The following KLF12 variants were observed in gnomAD, a reference collection of about 807,000 sequenced individuals.
KLF12 encodes Krueppel-like factor 12.
Under a neutral mutation model 37.8 loss-of-function variants are expected in KLF12, and 9 were observed. That is an observed-to-expected ratio of 0.24 (90% CI 0.14 to 0.42). The LOEUF is 0.42. Among genes scored for constraint, KLF12 ranks in the 10% least tolerant of loss-of-function variants. The pLI is 1.00. For missense variants in KLF12, 411 were observed against 516.0 expected (o/e 0.80, Z 1.97); for synonymous variants, 208 against 202.1 (o/e 1.03, Z -0.25).
intron 1 of KLF12, among the ~76,000 whole-genome samples, chr13:74,048,448 C>A (rs138042714): frequency 0.01 from 1,533 of 151,780 alleles, 14 homozygotes; most frequent in Non-Finnish European, 0.019. Context: ...AAAATGAGAA[C>A]TTTTAGGCAT....
rs7987535 is a variant in KLF12 at position 73,794,696 on chromosome 13, C to A, written c.806+18456G>T. Among the ~76,000 whole-genome samples, 5 of 151,954 alleles carry A rather than the reference C, an allele frequency of 3.3e-5. No individual in the cohort carries two copies. The East Asian group carries it at 5.8e-4, about 18-fold the overall frequency. On this transcript the variant is annotated intron_variant, in intron 5 of 7. Transcript: ENST00000377669. ...GATGAAGTAATTTCAAAAACTTAAC[C>A]CTTCCCAGCTGTCAGTGTGTCATTC...
intron 6 of KLF12, among the ~76,000 whole-genome samples, chr13:73,737,647 C>A (rs1413315223): frequency 6.6e-6 from 1 of 152,060 alleles, no homozygotes; most frequent in African/African-American, 2.4e-5. Flanking sequence ...GATTACTGGG[C>A]AATTAAAATA....
intron 3 of KLF12, among the ~76,000 whole-genome samples, chr13:73,902,593 AT>A (rs1888090801): frequency 6.6e-6 from 1 of 152,216 alleles, no homozygotes; most frequent in Non-Finnish European, 1.5e-5. Flanking sequence ...GTGTTACTTT[AT>A]TTAGGAGAAT....
At chr13:74,259,341 T>G in the KLF12 span, 1 of 152,214 alleles carries the variant, frequency 6.6e-6, no homozygotes, top group Non-Finnish European at 1.5e-5. Flanking sequence ...GTTTCTCAGA[T>G]AGTAAAGGTT....
chr13:74,077,460 T>C (rs1326839631), intron 1 of KLF12, among the ~76,000 whole-genome samples: 2 of 152,190 alleles, frequency 1.3e-5, no homozygotes, highest in African/African-American at 2.4e-5. Flanking sequence ...TAAAAACTTA[T>C]AATTAACAGT....
chr13:73,782,959 C>T (rs1881065127), intron 5 of KLF12, among the ~76,000 whole-genome samples: 2 of 152,148 alleles, frequency 1.3e-5, no homozygotes, highest in Non-Finnish European at 2.9e-5. Context: ...GTACGCAGAG[C>T]AGTGTTAAAG....
chr13:74,082,163 T>TAAAAA (rs57156299), intron 1 of KLF12, among the ~76,000 whole-genome samples: 28 of 114,742 alleles, frequency 2.4e-4, no homozygotes, highest in African/African-American at 4.2e-4. Flanking sequence ...CCCTGTCTCT[T>TAAAAA]AAAAAAAAAA....
At chr13:74,287,291 G>A in the KLF12 span, among the ~76,000 whole-genome samples, 8 of 148,010 alleles carry the variant, frequency 5.4e-5, no homozygotes, top group Non-Finnish European at 1.0e-4. Context: ...GTGCTCTCTC[G>A]GGGAAATGAT....
At chr13:74,195,350 G>A in the KLF12 span, among the ~76,000 whole-genome samples, 1 of 152,158 alleles carries the variant, frequency 6.6e-6, no homozygotes, top group Non-Finnish European at 1.5e-5. Context: ...CATTCTTGCT[G>A]GGCGTGCGAA....
chr13:74,152,626 T>G, the KLF12 span, among the ~76,000 whole-genome samples: 1 of 152,112 alleles, frequency 6.6e-6, no homozygotes, highest in Non-Finnish European at 1.5e-5. Flanking sequence ...CTTACACCTG[T>G]AATTGCAGCA....
intron 3 of KLF12, among the ~76,000 whole-genome samples, chr13:73,933,361 G>A (rs1160292213): frequency 1.3e-5 from 2 of 152,124 alleles, no homozygotes; most frequent in African/African-American, 4.8e-5. Context: ...GTTCCAGGAA[G>A]AAAGTTTTCT....
At chr13:74,221,165 C>T in the KLF12 span, among the ~76,000 whole-genome samples, 1 of 151,972 alleles carries the variant, frequency 6.6e-6, no homozygotes, top group Non-Finnish European at 1.5e-5. Context: ...CGCCACCACG[C>T]CCGGCTAATT....
At chr13:73,897,221 T>C (rs1440239406) in intron 3 of KLF12, among the ~76,000 whole-genome samples, 2 of 152,200 alleles carry the variant, frequency 1.3e-5, no homozygotes, top group African/African-American at 2.4e-5. Context: ...CTGCCTCAAA[T>C]GAAAACAGTT....
At chr13:73,817,132 C>A (rs983487124) in intron 4 of KLF12, among the ~76,000 whole-genome samples, 1 of 151,938 alleles carries the variant, frequency 6.6e-6, no homozygotes, top group African/African-American at 2.4e-5. Context: ...GCCCAGACAA[C>A]GTAGTGAGAC....
the KLF12 span, among the ~76,000 whole-genome samples, chr13:74,243,630 T>G: frequency 3.9e-5 from 6 of 152,202 alleles, no homozygotes; most frequent in Non-Finnish European, 8.8e-5. Flanking sequence ...TTTCCTGACT[T>G]TTTAATGGTC....
At chr13:74,089,850 G>GTGAAAGATA (rs1875551302) in intron 1 of KLF12, among the ~76,000 whole-genome samples, 1 of 149,006 alleles carries the variant, frequency 6.7e-6, no homozygotes, top group African/African-American at 2.5e-5. Context: ...ATACTTAAAG[G>GTGAAAGATA]TGAAAGATAG....
rs1348467119 is a variant in KLF12, at chr13:73,689,295, G to A, written c.*6195C>T. On this transcript the variant is annotated 3_prime_UTR_variant, in exon 8 of 8. Transcript: ENST00000377669. ...ACATTGGGAGGAGAAAACAGTGGAT[G>A]TTTTTTTGAGGCCTGTGGTCTGAGT... 6.6e-6 allele frequency: 1 copy of A among 152,042 alleles called. No individual in the cohort carries two copies. The highest frequency in any genetic ancestry group is 1.5e-5 in the Non-Finnish European group (1 of 68,012). The allele number at this position is 152,042 out of a possible 1,614,324, so 9.4% of individuals were successfully genotyped here. A position where few individuals can be genotyped will look rare whatever the true frequency, so the allele number is the denominator to read the frequency against.
the KLF12 span, among the ~76,000 whole-genome samples, chr13:74,302,577 C>T: frequency 3.9e-5 from 6 of 152,062 alleles, no homozygotes; most frequent in East Asian, 1.9e-4. Flanking sequence ...TGACAGGGGC[C>T]GTGGTGTTAT....
chr13:73,957,661 T>A (rs1566481989), intron 2 of KLF12, among the ~76,000 whole-genome samples: 1 of 152,312 alleles, frequency 6.6e-6, no homozygotes, highest in East Asian at 1.9e-4. Flanking sequence ...GAGTGACCCC[T>A]GTATCAAGAA....
Sources: allele counts gnomAD v4.1 joint callset (sites outside exome capture counted in the v4.1 genomes callset), GRCh38; gene constraint gnomAD v4.1.1; transcripts MANE v1.5; gene names NCBI Gene and HGNC (gene_info 2026-07-23, HGNC 2026-07-21).